CDKL5: variants seen among roughly 807,000 people sequenced by gnomAD.
CDKL5 encodes the protein cyclin-dependent kinase-like 5.
Under a neutral mutation model 61.7 loss-of-function variants are expected in CDKL5, and 8 were observed. The observed-to-expected ratio is 0.13, with a 90% CI of 0.08 to 0.23. The LOEUF is 0.23. CDKL5 is among the 10% of genes least tolerant of loss of function. CDKL5 has a pLI of 1.00. For missense variants in CDKL5, 440 were observed against 734.5 expected (o/e 0.60, Z 4.63); for synonymous variants, 275 against 272.3 (o/e 1.01, Z -0.10).
At chrX:18,651,436 C>T (rs1928044619) in intron 21 of CDKL5, among the ~76,000 whole-genome samples, 1 of 111,218 alleles carries the variant, frequency 9.0e-6, no homozygotes, top group Non-Finnish European at 1.9e-5. Flanking sequence ...GCTAAAGTAG[C>T]AGGGATGTGG....
Position 18,634,278 on chromosome X carries a change from G to A in CDKL5, c.*5521G>A. ...ATTCCTCAGGACTTCCTTTGGTTGG[G>A]GATTTTACTTTCCCAAAAGTCTGAT... On this transcript the variant is annotated 3_prime_UTR_variant, in exon 18 of 18. Coordinates refer to ENST00000623535, the MANE Select transcript of CDKL5 (RefSeq NM_001323289.2). 2 of 753,755 alleles carry A rather than the reference G, an allele frequency of 2.7e-6. No homozygotes were observed. Among genetic ancestry groups the A allele is most frequent in the South Asian group, 1.4e-4 (2 of 14,796 alleles). The allele number at this position is 753,755 out of a possible 1,213,427, so 62.1% of individuals were successfully genotyped here.
intron 15 of CDKL5, among the ~76,000 whole-genome samples, chrX:18,616,226 C>A (rs1209358500): frequency 8.9e-6 from 1 of 112,171 alleles, no homozygotes; most frequent in African/African-American, 3.2e-5. Flanking sequence ...ATAAAACAGG[C>A]AGCTTCACTT....
At chrX:18,518,299 C>CA (rs936671799) in intron 3 of CDKL5, among the ~76,000 whole-genome samples, 15 of 77,065 alleles carry the variant, frequency 1.9e-4, no homozygotes, top group Middle Eastern at 0.011. Context: ...GCACTGACTA[C>CA]AAAAAAAAAT....
At chrX:18,494,081 G>A (rs1922081467) in intron 1 of CDKL5, among the ~76,000 whole-genome samples, 1 of 110,695 alleles carries the variant, frequency 9.0e-6, no homozygotes, top group Admixed American at 9.6e-5. Context: ...GCACCACCAC[G>A]CTTGGTTAAT....
In CDKL5 at chrX:18,604,366, C is replaced by G. The variant is rs778294301; in HGVS notation, c.1442C>G (p.Ser481Cys). 3.3e-6 allele frequency: 4 copies of G among 1,207,379 alleles called. No homozygotes were observed. The East Asian group carries it at 1.2e-4, about 36-fold the overall frequency. ...DTIPQSSRSP[S>C]YRTKAKSHGA... ...ATTCCCCAGTCCTCTAGGAGTCCCT[C>G]CTACAGGACCAAGGCCAAAAGCCAT... The change falls in exon 12 of 18, where the codon TCC (serine) becomes TGC (cysteine). Residue 481 changes from serine (S) to cysteine (C), a missense_variant. Physicochemically the swap from Ser to Cys is moderately radical, Grantham distance 112 (BLOSUM62 -1). This residue lies in a region of CDKL5 where 363 missense variants were observed against 516.3 expected (regional missense o/e 0.70). Transcript: ENST00000623535.
chrX:18,437,527 G>T (rs769495875), intron 1 of CDKL5, among the ~76,000 whole-genome samples: 4 of 111,856 alleles, frequency 3.6e-5, no homozygotes, highest in African/African-American at 1.3e-4. Context: ...CAGTGTCTTA[G>T]ATCTAGTTTA....
At chrX:18,445,076 CTTT>C (rs1187295211) in intron 1 of CDKL5, among the ~76,000 whole-genome samples, 1 of 91,110 alleles carries the variant, frequency 1.1e-5, no homozygotes, top group Non-Finnish European at 2.2e-5. Flanking sequence ...GTTTGGGTCA[CTTT>C]TTTTTTTTTT....
At chrX:18,508,566 CA>C (rs2147093269) in intron 2 of CDKL5, among the ~76,000 whole-genome samples, 1 of 110,988 alleles carries the variant, frequency 9.0e-6, no homozygotes, top group African/African-American at 3.3e-5. Flanking sequence ...TACGGTGTAA[CA>C]AGGTTAGAAT....
At chrX:18,524,100 T>C (rs973284733) in intron 3 of CDKL5, among the ~76,000 whole-genome samples, 2 of 112,336 alleles carry the variant, frequency 1.8e-5, no homozygotes, top group African/African-American at 6.5e-5. Flanking sequence ...TTGCTCTGGC[T>C]AGAACTTCCA....
intron 10 of CDKL5, 77 bp from the exon 11 acceptor site, chrX:18,598,385 G>GA (rs1926074303): frequency 2.4e-6 from 2 of 824,452 alleles, no homozygotes; most frequent in Non-Finnish European, 1.8e-6. Flanking sequence ...CTTTTATAAG[G>GA]AAAAAAATAA....
At chrX:18,598,726 C>T in intron 11 of CDKL5, 113 bp downstream of exon 11, 1 of 718,045 alleles carries the variant, frequency 1.4e-6, no homozygotes, top group Non-Finnish European at 2.2e-6. Flanking sequence ...CCTCTTTATT[C>T]AAAAATATCT....
At chrX:18,509,734 C>T (rs911390303) in intron 2 of CDKL5, among the ~76,000 whole-genome samples, 1 of 111,541 alleles carries the variant, frequency 9.0e-6, no homozygotes, top group Non-Finnish European at 1.9e-5. Flanking sequence ...TGTTGAAATA[C>T]ACCAAAGACA....
chrX:18,597,125 C>T (rs770396754), intron 10 of CDKL5, among the ~76,000 whole-genome samples: 2 of 110,459 alleles, frequency 1.8e-5, no homozygotes, highest in Non-Finnish European at 3.8e-5. Flanking sequence ...TTATGCCACC[C>T]CACCCCCCTC....
intron 4 of CDKL5, among the ~76,000 whole-genome samples, chrX:18,565,986 C>T (rs1199114086): frequency 9.0e-6 from 1 of 111,579 alleles, no homozygotes; most frequent in Admixed American, 9.5e-5. Flanking sequence ...ATGGTGATTT[C>T]CTAAAAAGAA....
chrX:18,639,060 A>T lies in CDKL5; in HGVS notation c.*10303A>T, dbSNP rs1355638116. ...TAACTCAAAATGGAACAAAGATCTA[A>T]CTGTAAGAGGTAGAACTATAAAACT... On this transcript the variant is annotated 3_prime_UTR_variant, in exon 18 of 18. Coordinates refer to ENST00000623535, the MANE Select transcript of CDKL5 (RefSeq NM_001323289.2). Among the ~76,000 whole-genome samples the T allele has an allele frequency of 8.9e-6, 1 of 112,018 alleles. No homozygotes were observed. Among genetic ancestry groups the T allele is most frequent in the African/African-American group, 3.2e-5 (1 of 30,820 alleles).
chrX:18,606,865 G>A (rs1287623114), intron 12 of CDKL5, among the ~76,000 whole-genome samples: 1 of 112,127 alleles, frequency 8.9e-6, no homozygotes, highest in Non-Finnish European at 1.9e-5. Context: ...AGTGGGAAAC[G>A]GAGTGGATCT....
At chrX:18,553,949 C>T (rs757281309) in intron 3 of CDKL5, among the ~76,000 whole-genome samples, 5 of 111,156 alleles carry the variant, frequency 4.5e-5, no homozygotes, top group South Asian at 3.8e-4. Flanking sequence ...GTACTCTTAG[C>T]GTACCATTTA....
At position 18,609,585 on chromosome X, in the gene CDKL5, G is replaced by A. The variant is rs1441325648; in HGVS notation, c.2152+15G>A. On this transcript the variant is annotated intron_variant, in intron 14 of 17. Transcript: ENST00000623535. ...CTTTTACAGAGGTAAGCCCACCCCC[G>A]GCATTCAACAGGTTCCCCTCTCCTC... is the stretch of plus-strand genomic sequence containing the variant. 8 of 1,207,556 alleles carry A rather than the reference G, an allele frequency of 6.6e-6. No homozygotes were observed. Among genetic ancestry groups the A allele is most frequent in the South Asian group, 3.5e-5 (2 of 56,614 alleles).
chrX:18,439,171 A>G (rs1424793562), intron 1 of CDKL5, among the ~76,000 whole-genome samples: 1 of 106,141 alleles, frequency 9.4e-6, no homozygotes, highest in Non-Finnish European at 1.9e-5. Flanking sequence ...TCCTGTGTCT[A>G]GTTACCTGTG....
Sources: gnomAD v4.1 joint callset for allele counts (sites outside exome capture counted in the v4.1 genomes callset) on GRCh38, gnomAD v4.1.1 for gene constraint, gnomAD v4.1.1 regional missense constraint, MANE v1.5 for transcripts, NCBI Gene and HGNC (gene_info 2026-07-23, HGNC 2026-07-21) for gene names.